DNAH14: variants seen among roughly 807,000 people sequenced by gnomAD.
The protein encoded by DNAH14 is axonemal beta dynein heavy chain 14.
In DNAH14, 478 loss-of-function variants were observed where a neutral mutation model predicts 520.9. The ratio of observed to expected loss-of-function variants is 0.92; its 90% CI spans 0.85 to 0.99. The LOEUF (loss-of-function observed/expected upper bound fraction) is 0.99. DNAH14 is among the 50% of genes least tolerant of loss of function. DNAH14 has a pLI of 0.00. For synonymous variants in DNAH14, 1,581 were observed against 1,757.2 expected (o/e 0.90, Z 2.51); for missense variants, 4,831 against 5,234.5 (o/e 0.92, Z 2.38).
rs113240019 is a variant in DNAH14, at chr1:225,318,516, T to C, written c.9241-67T>C. 4.4e-4 allele frequency: 605 copies of C among 1,368,116 alleles called. 4 individuals are homozygous for C. In the African/African-American group the frequency reaches 7.3e-3, roughly 16 times the overall value. 84.7% of individuals were successfully genotyped at this position (1,368,116 alleles called of 1,614,324 possible). On this transcript the variant is annotated intron_variant, in intron 60 of 85. Transcript: ENST00000682510. ...CAAATTATATTTTCCAAGTTCAGCA[T>C]ACAAAAATTTTAAATATGCAACTAT...
chr1:225,335,929 A>G (rs1299694644), intron 66 of DNAH14, among the ~76,000 whole-genome samples: 2 of 144,364 alleles, frequency 1.4e-5, no homozygotes, highest in African/African-American at 2.5e-5. Flanking sequence ...ATGCACATAT[A>G]CCTATATATA....
chr1:225,230,162 A>C (rs1424179679), intron 41 of DNAH14, among the ~76,000 whole-genome samples: 1 of 152,164 alleles, frequency 6.6e-6, no homozygotes, highest in African/African-American at 2.4e-5. Context: ...AAGGAGGTGC[A>C]TTCATAGCAG....
intron 34 of DNAH14, 53 bp downstream of exon 34, chr1:225,153,879 A>G: frequency 4.4e-6 from 6 of 1,369,016 alleles, no homozygotes; most frequent in Non-Finnish European, 5.0e-6. Flanking sequence ...CTGCTGGGAA[A>G]ATAATTTGTA....
chr1:225,158,033 GAGA>G (rs1199376560), intron 34 of DNAH14, among the ~76,000 whole-genome samples: 2 of 152,176 alleles, frequency 1.3e-5, no homozygotes, highest in Non-Finnish European at 2.9e-5. Flanking sequence ...ATAACCTGAA[GAGA>G]AGATTTTGAA....
intron 7 of DNAH14, among the ~76,000 whole-genome samples, chr1:224,972,639 G>A (rs1281707293): frequency 6.6e-6 from 1 of 151,988 alleles, no homozygotes; most frequent in Non-Finnish European, 1.5e-5. Context: ...CTAATTTTTT[G>A]TATTTTTAGT....
chr1:225,058,917 CT>C (rs1358841644), intron 17 of DNAH14, among the ~76,000 whole-genome samples: 1 of 152,054 alleles, frequency 6.6e-6, no homozygotes, highest in Non-Finnish European at 1.5e-5. Flanking sequence ...AATTTTTATT[CT>C]TTTACATTTG....
chr1:225,205,620 C>T (rs1220040563), intron 39 of DNAH14, among the ~76,000 whole-genome samples: 1 of 152,110 alleles, frequency 6.6e-6, no homozygotes, highest in Non-Finnish European at 1.5e-5. Flanking sequence ...TCCCCAAGGG[C>T]AATATATCTA....
rs576746466 is a variant in DNAH14, at chr1:225,343,565, CA to C, written c.10679-2389del. On this transcript the variant is annotated intron_variant, in intron 69 of 85. Transcript: ENST00000682510. ...AACTCAATTTTTGCAACCATGTTTA[CA>C]AAAAAAAGAGCTTAATTATATTTTA... is the stretch of plus-strand genomic sequence containing the variant. Among the ~76,000 whole-genome samples the C allele has an allele frequency of 4.7e-3, 709 of 151,200 alleles. 9 individuals carry two copies. The highest frequency in any genetic ancestry group is 0.016 in the African/African-American group (671 of 41,208).
intron 72 of DNAH14, 73 bp downstream of exon 72, chr1:225,351,956 T>A: frequency 8.3e-7 from 1 of 1,200,060 alleles, no homozygotes; most frequent in Admixed American, 2.7e-5. Context: ...TTTGTAAATG[T>A]CGTACATTAT....
At chr1:225,159,551 G>A in intron 35 of DNAH14, 66 bp downstream of exon 35, 1 of 1,361,268 alleles carries the variant, frequency 7.3e-7, no homozygotes, top group Non-Finnish European at 9.8e-7. Context: ...GAAACTAGAT[G>A]TGGATTAAAA....
chr1:225,284,272 GAAGAA>G (rs1334448435), intron 54 of DNAH14, among the ~76,000 whole-genome samples: 2 of 151,790 alleles, frequency 1.3e-5, no homozygotes, highest in Admixed American at 6.6e-5. Context: ...AAGAAAAAAT[GAAGAA>G]AAGACTCAAA....
intron 78 of DNAH14, among the ~76,000 whole-genome samples, chr1:225,375,631 T>C (rs1445074843): frequency 1.3e-5 from 2 of 152,168 alleles, no homozygotes; most frequent in African/African-American, 2.4e-5. Flanking sequence ...GGGAGATTCA[T>C]TTGTAAGGCA....
chr1:225,295,841 G>T (rs2093993865), intron 55 of DNAH14, among the ~76,000 whole-genome samples: 2 of 152,110 alleles, frequency 1.3e-5, no homozygotes, highest in African/African-American at 4.8e-5. Context: ...TGAGAATGGG[G>T]TGTTGAAATC....
chr1:225,170,675 C>T (rs2082532071), intron 36 of DNAH14, among the ~76,000 whole-genome samples: 2 of 152,132 alleles, frequency 1.3e-5, no homozygotes, highest in African/African-American at 4.8e-5. Flanking sequence ...TAATGGGAGA[C>T]TTTAATACCC....
In DNAH14 at chr1:225,007,403, A is replaced by T. The variant is rs2064262965; in HGVS notation, c.976-10A>T. Reference sequence around the variant, plus strand: ...TTTCTAACACTGAACATTTACTATCATCTAATTAGCTGGATAGTTCTCGAA... The same window carrying T: ...TTTCTAACACTGAACATTTACTATCTTCTAATTAGCTGGATAGTTCTCGAA... On this transcript the variant is annotated splice_polypyrimidine_tract_variant and intron_variant, in intron 9 of 85. Coordinates refer to ENST00000682510, the MANE Select transcript of DNAH14 (RefSeq NM_001367479.1). 1 of 1,510,188 alleles carries T rather than the reference A, an allele frequency of 6.6e-7. No individual in the cohort carries two copies. The highest frequency in any genetic ancestry group is 1.4e-5 in the African/African-American group (1 of 71,508). The allele number at this position is 1,510,188 out of a possible 1,614,324, so 93.5% of individuals were successfully genotyped here.
At chr1:225,133,403 A>G (rs1401519805) in intron 27 of DNAH14, among the ~76,000 whole-genome samples, 1 of 152,046 alleles carries the variant, frequency 6.6e-6, no homozygotes, top group Admixed American at 6.6e-5. Context: ...TAATTTTCGT[A>G]TATGGTGTAA....
chr1:225,188,936 C>G (rs747503488), intron 37 of DNAH14, among the ~76,000 whole-genome samples: 19 of 151,574 alleles, frequency 1.3e-4, no homozygotes, highest in Non-Finnish European at 2.2e-4. Flanking sequence ...CTTTGGAATC[C>G]TTGTCTTATT....
chr1:225,375,005 T>C (rs2095678223), intron 78 of DNAH14, 120 bp downstream of exon 78: 1 of 902,794 alleles, frequency 1.1e-6, no homozygotes. Flanking sequence ...TTTAGTAGCT[T>C]TCAGTAGTAT....
chr1:225,169,710 C>A (rs1362460144), intron 36 of DNAH14, among the ~76,000 whole-genome samples: 1 of 152,114 alleles, frequency 6.6e-6, no homozygotes, highest in African/African-American at 2.4e-5. Context: ...AGGATATTTT[C>A]CAGGAGAACT....
Sources: allele counts gnomAD v4.1 joint callset (sites outside exome capture counted in the v4.1 genomes callset), GRCh38; gene constraint gnomAD v4.1.1; transcripts MANE v1.5; gene names NCBI Gene and HGNC (gene_info 2026-07-23, HGNC 2026-07-21).